DST: variants seen among roughly 807,000 people sequenced by gnomAD.
DST encodes the protein dystonin.
A neutral mutation model predicts 875.2 loss-of-function variants in DST; 253 were observed. The observed-to-expected ratio is 0.29, with a 90% CI of 0.26 to 0.32. DST has a LOEUF of 0.32. Ranked by LOEUF, DST falls within the 10% of genes least tolerant of loss-of-function variation. DST has a pLI of 1.00. For missense variants in DST, 8,287 were observed against 9,111.6 expected (o/e 0.91, Z 3.68); for synonymous variants, 3,124 against 3,197.1 (o/e 0.98, Z 0.77).
At chr6:56,804,727 T>C (rs2099751158) in intron 4 of DST, among the ~76,000 whole-genome samples, 1 of 152,134 alleles carries the variant, frequency 6.6e-6, no homozygotes, top group Admixed American at 6.5e-5. Context: ...TAAGCCTTTA[T>C]TCTGTTGATA....
chr6:56,790,415 G>A (rs187111958), intron 4 of DST, among the ~76,000 whole-genome samples: 1 of 152,242 alleles, frequency 6.6e-6, no homozygotes. Context: ...TTTTCACTAT[G>A]CATGCTACAT....
At chr6:56,493,936 C>T in intron 83 of DST, 74 bp downstream of exon 83, 3 of 1,268,358 alleles carry the variant, frequency 2.4e-6, no homozygotes, top group Non-Finnish European at 3.1e-6. Flanking sequence ...GATAGCTCTA[C>T]TCAGAAATAA....
intron 5 of DST, among the ~76,000 whole-genome samples, chr6:56,716,690 G>A (rs2099395801): frequency 6.6e-6 from 1 of 152,094 alleles, no homozygotes; most frequent in Admixed American, 6.5e-5. Context: ...CCACCAAACT[G>A]GGCAGTCCAG....
In DST at chr6:56,781,140, G is replaced by C. The variant is rs376901667; in HGVS notation, c.626-45851C>G. 3.8e-4 allele frequency among the ~76,000 whole-genome samples: 58 copies of C among 152,288 alleles called. No individual in the cohort carries two copies. The East Asian group carries it at 0.01, about 27-fold the overall frequency. ...TTGGTTACTGTAGCCTTGTAGTATT[G>C]TTTGAAGTCAGGTAGCGTGATGCCT... On this transcript the variant is annotated intron_variant, in intron 4 of 103. Transcript: ENST00000680361.
intron 4 of DST, among the ~76,000 whole-genome samples, chr6:56,759,729 G>T (rs1312013541): frequency 6.6e-6 from 1 of 152,118 alleles, no homozygotes; most frequent in African/African-American, 2.4e-5. Context: ...ACACAGCCAA[G>T]GAACTGCAGC....
chr6:56,496,952 G>A (rs2095931547), intron 82 of DST, among the ~76,000 whole-genome samples: 2 of 151,974 alleles, frequency 1.3e-5, no homozygotes, highest in South Asian at 4.1e-4. Context: ...CTCATAGGTG[G>A]GAACTGAACA....
intron 4 of DST, among the ~76,000 whole-genome samples, chr6:56,789,649 G>A (rs983589465): frequency 1.3e-5 from 2 of 152,034 alleles, no homozygotes; most frequent in Non-Finnish European, 2.9e-5. Flanking sequence ...TTAACTTTCT[G>A]CTTCTGTGAC....
At chr6:56,812,153 A>AG (rs57518136) in intron 4 of DST, among the ~76,000 whole-genome samples, 10 of 151,624 alleles carry the variant, frequency 6.6e-5, no homozygotes, top group South Asian at 4.2e-4. Context: ...AGAAAAGAAA[A>AG]AAGAAAATAT....
At chr6:56,864,627 G>A (rs17752213) in intron 3 of DST, among the ~76,000 whole-genome samples, 18,250 of 151,884 alleles carry the variant, frequency 0.12, 1,545 homozygotes, top group Non-Finnish European at 0.18. Context: ...TATTCTAAAC[G>A]TGAATAATCA....
chr6:56,606,273 T>C lies in DST; in HGVS notation c.8355A>G (p.Leu2785=). 2 of 1,582,090 alleles carry C rather than the reference T, an allele frequency of 1.3e-6. No individual in the cohort carries two copies. Among genetic ancestry groups the C allele is most frequent in the Non-Finnish European group, 1.7e-6 (2 of 1,162,432 alleles). Residue 2785 remains leucine, a synonymous_variant, in exon 40 of 104, where the codon TTA becomes TTG. Coordinates refer to ENST00000680361, the MANE Select transcript of DST (RefSeq NM_001374736.1). ...GQEFHSDTDH[L]DSMQSEESYG... ...AACTTTCTTCACTTTGCATAGAATC[T>C]AAATGATCAGTATCGGAGTGAAATT...
At chr6:56,702,114 C>A in intron 7 of DST, 149 bp from the exon 8 acceptor site, 1 of 534,302 alleles carries the variant, frequency 1.9e-6, no homozygotes, top group Non-Finnish European at 3.3e-6. Flanking sequence ...GTTTCAATTT[C>A]TTTATATTGT....
At chr6:56,846,848 C>G (rs748676065) in intron 4 of DST, among the ~76,000 whole-genome samples, 1 of 150,746 alleles carries the variant, frequency 6.6e-6, no homozygotes, top group Non-Finnish European at 1.5e-5. Context: ...TACAAAAATA[C>G]AAAAATTAGC....
chr6:56,657,403 G>A (rs957379056), intron 10 of DST, among the ~76,000 whole-genome samples: 1 of 151,998 alleles, frequency 6.6e-6, no homozygotes, highest in African/African-American at 2.4e-5. Context: ...AATGAAGCCT[G>A]GAAAAGATAG....
intron 3 of DST, among the ~76,000 whole-genome samples, chr6:56,877,708 A>G (rs562957956): frequency 6.6e-6 from 1 of 152,380 alleles, no homozygotes; most frequent in African/African-American, 2.4e-5. Flanking sequence ...CTGATATCCC[A>G]TAGGCTGGGA....
chr6:56,832,098 G>C (rs1375976710), intron 4 of DST, among the ~76,000 whole-genome samples: 1 of 152,116 alleles, frequency 6.6e-6, no homozygotes, highest in Admixed American at 6.6e-5. Context: ...CTGTAATTTA[G>C]AATCCTTCAG....
At chr6:56,810,008 C>T (rs73457718) in intron 4 of DST, among the ~76,000 whole-genome samples, 2,585 of 152,206 alleles carry the variant, frequency 0.017, 73 homozygotes, top group African/African-American at 0.059. Flanking sequence ...TTTCAGTAAA[C>T]AGTTAAAGAG....
intron 4 of DST, among the ~76,000 whole-genome samples, chr6:56,781,831 C>T (rs1223159100): frequency 1.3e-5 from 2 of 152,190 alleles, no homozygotes; most frequent in East Asian, 3.9e-4. Context: ...CCAGTTTTTG[C>T]CCATTCAGTA....
Position 56,481,924 on chromosome 6 carries a change from G to C in DST, c.21531+126C>G, listed in dbSNP as rs1020425266. On this transcript the variant is annotated intron_variant, in intron 90 of 103. Coordinates refer to ENST00000680361, the MANE Select transcript of DST (RefSeq NM_001374736.1). The stretch of plus-strand genomic sequence containing the variant: ...TGTGGACAGAAGTACACTCTCAAAT[G>C]TATCAGGTGTTTAAGTATTTCTCAG... The C allele has an allele frequency of 3.9e-6, 4 of 1,034,740 alleles. No homozygotes were observed. In the Admixed American group the frequency reaches 8.3e-5, roughly 22 times the overall value. The allele number at this position is 1,034,740 out of a possible 1,614,324, so 64.1% of individuals were successfully genotyped here. A position where few individuals can be genotyped will look rare whatever the true frequency, so the allele number is the denominator to read the frequency against.
intron 3 of DST, among the ~76,000 whole-genome samples, chr6:56,860,564 G>C (rs1032620762): frequency 6.6e-6 from 1 of 152,104 alleles, no homozygotes; most frequent in Non-Finnish European, 1.5e-5. Flanking sequence ...GGCTCCCGAC[G>C]AATCTAGCTG....
Sources: gnomAD v4.1 joint callset for allele counts (sites outside exome capture counted in the v4.1 genomes callset) on GRCh38, gnomAD v4.1.1 for gene constraint, MANE v1.5 for transcripts, NCBI Gene and HGNC (gene_info 2026-07-23, HGNC 2026-07-21) for gene names.